Variants in PCDHGA3 observed in about 807,000 individuals in gnomAD.
PCDHGA3 encodes protocadherin gamma subfamily A, 3.
In PCDHGA3, 40 loss-of-function variants were observed where a neutral mutation model predicts 58.5. The ratio of observed to expected loss-of-function variants is 0.68; its 90% CI spans 0.53 to 0.89. The LOEUF (loss-of-function observed/expected upper bound fraction) is 0.89, where lower values mean the gene tolerates loss of function less well. PCDHGA3 is among the 40% of genes least tolerant of loss of function. The pLI, the probability that PCDHGA3 is intolerant of heterozygous loss-of-function variation, is 0.00. For synonymous variants in PCDHGA3, 530 were observed against 525.7 expected (o/e 1.01, Z -0.11); for missense variants, 1,223 against 1,195.9 (o/e 1.02, Z -0.33).
At chr5:141,374,566 T>C (rs368553948) in intron 1 of PCDHGA3, 21 of 1,613,582 alleles carry the variant, frequency 1.3e-5, no homozygotes, top group South Asian at 3.3e-5. Flanking sequence ...ATGACCCTGA[T>C]GTGGGAATGA....
Position 141,485,436 on chromosome 5 carries a change from A to G in PCDHGA3, c.2425-9371A>G, listed in dbSNP as rs2099613369. On this transcript the variant is annotated intron_variant, in intron 1 of 3. Transcript: ENST00000253812. This position sits in a 1 kb window ranked among gnomAD's most constrained non-coding sequence, Gnocchi z 5.7. ...GACAGCGGAGCCCTGCTCATCAAGA[A>G]CCCAATCGACCGAGAGGCACTGTGT... 1.9e-6 allele frequency: 3 copies of G among 1,614,092 alleles called. No individual in the cohort carries two copies. The highest frequency in any genetic ancestry group is 2.7e-5 in the African/African-American group (2 of 74,934).
At chr5:141,390,138 CTA>C (rs770679519) in intron 1 of PCDHGA3, 6 of 1,613,938 alleles carry the variant, frequency 3.7e-6, no homozygotes, top group Non-Finnish European at 5.1e-6. Flanking sequence ...TTCCTACAAT[CTA>C]TGTGTTGCAC....
At chr5:141,365,440 C>G in intron 1 of PCDHGA3, 1 of 1,613,954 alleles carries the variant, frequency 6.2e-7, no homozygotes, top group Non-Finnish European at 8.5e-7. Context: ...CGCTGTTTAG[C>G]GTACATGATG....
chr5:141,361,845 T>G, intron 1 of PCDHGA3: 1 of 1,612,744 alleles, frequency 6.2e-7, no homozygotes, highest in Non-Finnish European at 8.5e-7. Flanking sequence ...TGGGGCCTGA[T>G]GGCTCCGCCC....
chr5:141,404,466 T>C lies in PCDHGA3; in HGVS notation c.2424+58009T>C, dbSNP rs536211455. ...CAAGGGTCTCCTCTCTCCACCTATG[T>C]CTCTATTAACTCAGACACTGGTGTG... On this transcript the variant is annotated intron_variant, in intron 1 of 3. Transcript: ENST00000253812. 28 of 1,613,558 alleles carry C rather than the reference T, an allele frequency of 1.7e-5. No individual in the cohort carries two copies. Among genetic ancestry groups the C allele is most frequent in the East Asian group, 2.2e-5 (1 of 44,882 alleles).
At chr5:141,452,895 A>G (rs527695680) in intron 1 of PCDHGA3, among the ~76,000 whole-genome samples, 16 of 152,312 alleles carry the variant, frequency 1.1e-4, no homozygotes, top group African/African-American at 3.6e-4. Flanking sequence ...TTCCACTTTT[A>G]TTAGTTGGCA....
chr5:141,365,467 T>C (rs761340226), intron 1 of PCDHGA3: 6 of 1,613,974 alleles, frequency 3.7e-6, no homozygotes, highest in Non-Finnish European at 4.2e-6. Flanking sequence ...CTGGAGAAAA[T>C]GGTGAGATTG....
At chr5:141,421,781 G>A (rs1482347889) in intron 1 of PCDHGA3, 1 of 1,613,856 alleles carries the variant, frequency 6.2e-7, no homozygotes, top group Non-Finnish European at 8.5e-7. Context: ...CAACTGCGGG[G>A]CAGAACGGAT....
In PCDHGA3 at chr5:141,486,184, A is replaced by G. The variant is rs2099625756; in HGVS notation, c.2425-8623A>G. 8 of 1,614,014 alleles carry G rather than the reference A, an allele frequency of 5.0e-6. No homozygotes were observed. Among genetic ancestry groups the G allele is most frequent in the Non-Finnish European group, 6.8e-6 (8 of 1,180,026 alleles). On this transcript the variant is annotated intron_variant, in intron 1 of 3. Transcript: ENST00000253812. This position sits in a 1 kb window ranked among gnomAD's most constrained non-coding sequence, Gnocchi z 5.0. ...CCATGGAGCAACATTGCAGCCTTCG[A>G]GTGGATCTGCTGGACGTAAATGACA...
intron 2 of PCDHGA3, among the ~76,000 whole-genome samples, chr5:141,502,723 G>C (rs771399677): frequency 3.9e-5 from 6 of 152,124 alleles, no homozygotes; most frequent in Non-Finnish European, 8.8e-5. Flanking sequence ...TGATTACAAA[G>C]CGGTGATGTT....
At chr5:141,446,942 G>C (rs1252429052) in intron 1 of PCDHGA3, among the ~76,000 whole-genome samples, 1 of 152,058 alleles carries the variant, frequency 6.6e-6, no homozygotes, top group Non-Finnish European at 1.5e-5. Flanking sequence ...TTCACTGTAA[G>C]AAACATCCAG....
At chr5:141,448,263 A>G (rs2098578874) in intron 1 of PCDHGA3, among the ~76,000 whole-genome samples, 1 of 152,088 alleles carries the variant, frequency 6.6e-6, no homozygotes, top group Non-Finnish European at 1.5e-5. Flanking sequence ...ATTTTACAGT[A>G]TATATACTGT....
chr5:141,427,205 C>T lies in PCDHGA3; in HGVS notation c.2425-67602C>T, dbSNP rs73280903. 3.4e-3 allele frequency: 1,562 copies of T among 456,606 alleles called. 21 individuals carry two copies. Among genetic ancestry groups the T allele is most frequent in the African/African-American group, 0.028 (1,422 of 50,136 alleles). 28.3% of individuals were successfully genotyped at this position (456,606 alleles called of 1,614,324 possible). Reference sequence around the variant, plus strand: ...TTAAATCCAAAGACTTAATAGACTTCGAATTTCGTAGCAGTTATACCATGA... The same window carrying T: ...TTAAATCCAAAGACTTAATAGACTTTGAATTTCGTAGCAGTTATACCATGA... On this transcript the variant is annotated intron_variant, in intron 1 of 3. Transcript: ENST00000253812.
rs369129764 is a variant in PCDHGA3, at chr5:141,357,546, G to C, written c.2424+11089G>C. ...GCTATGCAGACACGCTCATCAGCCG[G>C]GAGAGTTGTGAGAAAAGCGAGCCTC... On this transcript the variant is annotated intron_variant, in intron 1 of 3. Coordinates refer to ENST00000253812, the MANE Select transcript of PCDHGA3 (RefSeq NM_018916.4). The C allele has an allele frequency of 2.6e-4, 415 of 1,614,182 alleles. 2 individuals are homozygous for C. The African/African-American group carries it at 4.6e-3, about 18-fold the overall frequency.
chr5:141,409,251 CTT>C (rs771889477), intron 1 of PCDHGA3: 78 of 1,613,922 alleles, frequency 4.8e-5, no homozygotes, highest in Non-Finnish European at 6.2e-5. Context: ...ATAATCATCA[CTT>C]CTCTCTCTGA....
In PCDHGA3 at chr5:141,378,437, C is replaced by T. The variant is rs146402003; in HGVS notation, c.2424+31980C>T. ...ACTCGGGAGGCTGAGGCAGGAGAAT[C>T]GCTTGAACCCATGAGGCAGAGGTTG... On this transcript the variant is annotated intron_variant, in intron 1 of 3. Transcript: ENST00000253812. 592 of 152,418 alleles carry T rather than the reference C, an allele frequency of 3.9e-3. 6 individuals are homozygous for T. The highest frequency in any genetic ancestry group is 0.011 in the Admixed American group (171 of 15,310). The allele number at this position is 152,418 out of a possible 1,614,324, so 9.4% of individuals were successfully genotyped here.
At chr5:141,422,503 A>G (rs2096653107) in intron 1 of PCDHGA3, 2 of 1,613,924 alleles carry the variant, frequency 1.2e-6, no homozygotes, top group Non-Finnish European at 1.7e-6. Context: ...GTTGACAGCC[A>G]CAGACCAGGG....
At chr5:141,422,424 T>G (rs1182660567) in intron 1 of PCDHGA3, 3 of 1,607,958 alleles carry the variant, frequency 1.9e-6, no homozygotes, top group Non-Finnish European at 2.5e-6. Flanking sequence ...AAAAGACTTA[T>G]GGAAATTATT....
intron 1 of PCDHGA3, chr5:141,373,807 T>C (rs760297070): frequency 1.2e-5 from 4 of 341,172 alleles, no homozygotes; most frequent in Non-Finnish European, 1.1e-5. Flanking sequence ...CTCTGTGTGA[T>C]AGTTTCACAA....
Sources: allele counts gnomAD v4.1 joint callset (sites outside exome capture counted in the v4.1 genomes callset), GRCh38; gene constraint gnomAD v4.1.1; non-coding constraint Gnocchi (gnomAD v3.1); transcripts MANE v1.5; gene names NCBI Gene and HGNC (gene_info 2026-07-23, HGNC 2026-07-21).